The following SNTG1 variants were observed in gnomAD, a reference collection of about 807,000 sequenced individuals.
SNTG1 encodes syntrophin gamma 1.
Under a neutral mutation model 74.7 loss-of-function variants are expected in SNTG1, and 39 were observed. That is an observed-to-expected ratio of 0.52 (90% CI 0.40 to 0.68). The LOEUF (loss-of-function observed/expected upper bound fraction) is 0.68, where lower values mean the gene tolerates loss of function less well. Among genes scored for constraint, SNTG1 ranks in the 30% least tolerant of loss-of-function variants. The pLI is 0.00. For synonymous variants in SNTG1, 254 were observed against 217.1 expected, an observed-to-expected ratio of 1.17 and a Z score of -1.49; for missense variants, 685 against 609.5, an observed-to-expected ratio of 1.12 and a Z score of -1.30.
intron 2 of SNTG1, among the ~76,000 whole-genome samples, chr8:50,372,219 T>G (rs1345066362): frequency 3.7e-5 from 5 of 135,714 alleles, no homozygotes; most frequent in Middle Eastern, 3.4e-3. Context: ...TCTTTCTCTG[T>G]GTGTGTGTGT....
intron 2 of SNTG1, among the ~76,000 whole-genome samples, chr8:50,346,257 T>C (rs377460805): frequency 4.6e-5 from 7 of 152,214 alleles, no homozygotes; most frequent in East Asian, 1.9e-4. Context: ...TCTTTGTAAT[T>C]GTCATGATAT....
At position 50,658,581 on chromosome 8, in the gene SNTG1, A is replaced by G. The variant is rs1406202997; in HGVS notation, c.967-11A>G. On this transcript the variant is annotated splice_polypyrimidine_tract_variant and intron_variant, in intron 14 of 18. Coordinates refer to ENST00000642720, the MANE Select transcript of SNTG1 (RefSeq NM_018967.5). ...AAAACAAATTAAACATTATTTTCTT[A>G]TCTTTTAAAGGTGACCACCTGGGAC... 10 of 1,572,208 alleles carry G rather than the reference A, an allele frequency of 6.4e-6. No individual in the cohort carries two copies. Among genetic ancestry groups the G allele is most frequent in the Middle Eastern group, 1.7e-4 (1 of 5,964 alleles).
intron 17 of SNTG1, among the ~76,000 whole-genome samples, chr8:50,712,079 A>G (rs1464845687): frequency 6.6e-6 from 1 of 152,218 alleles, no homozygotes; most frequent in Non-Finnish European, 1.5e-5. Flanking sequence ...GGCATCTACA[A>G]AACACTCATT....
chr8:50,039,310 C>T (rs911584146), intron 1 of SNTG1, among the ~76,000 whole-genome samples: 1 of 151,800 alleles, frequency 6.6e-6, no homozygotes, highest in African/African-American at 2.4e-5. Flanking sequence ...AAAAAAGTAG[C>T]GGGGCATGGT....
chr8:50,190,389 C>A (rs1406423003), intron 2 of SNTG1, among the ~76,000 whole-genome samples: 1 of 152,036 alleles, frequency 6.6e-6, no homozygotes, highest in Non-Finnish European at 1.5e-5. Context: ...GATTATATTT[C>A]AGATTTATTT....
rs2083548869 is a variant in SNTG1 at position 50,190,905 on chromosome 8, A to G, written c.-28+18270A>G. Reference sequence around the variant, plus strand: ...AGAAACAAGGTGGAATGACACGACAATAAGAATAAATTGGGCTTAGATAGA... The same window carrying G: ...AGAAACAAGGTGGAATGACACGACAGTAAGAATAAATTGGGCTTAGATAGA... On this transcript the variant is annotated intron_variant, in intron 2 of 18. Coordinates refer to ENST00000642720, the MANE Select transcript of SNTG1 (RefSeq NM_018967.5). Among the ~76,000 whole-genome samples, 3 of 152,162 alleles carry G rather than the reference A, an allele frequency of 2.0e-5. No homozygotes were observed. In the South Asian group the frequency reaches 6.2e-4, roughly 32 times the overall value.
chr8:50,231,201 A>G (rs2085604252), intron 2 of SNTG1, among the ~76,000 whole-genome samples: 2 of 151,324 alleles, frequency 1.3e-5, no homozygotes, highest in African/African-American at 4.8e-5. Context: ...TATTTGTATT[A>G]GAATGGTTGT....
At chr8:50,283,105 C>T (rs1337528218) in intron 2 of SNTG1, among the ~76,000 whole-genome samples, 1 of 151,892 alleles carries the variant, frequency 6.6e-6, no homozygotes, top group Non-Finnish European at 1.5e-5. Context: ...TTCCTTGAAG[C>T]CAAAAAATAA....
chr8:49,948,209 G>A (rs1033624799), intron 1 of SNTG1, among the ~76,000 whole-genome samples: 8 of 152,044 alleles, frequency 5.3e-5, no homozygotes, highest in African/African-American at 1.9e-4. Flanking sequence ...TAAAACCTCT[G>A]TAAATTAAAC....
chr8:50,078,302 G>A (rs1331222983), intron 1 of SNTG1, among the ~76,000 whole-genome samples: 3 of 151,924 alleles, frequency 2.0e-5, no homozygotes, highest in East Asian at 1.9e-4. Flanking sequence ...CAATTTCTAT[G>A]ATAAATGACA....
chr8:50,145,975 A>G (rs868018094), intron 1 of SNTG1, among the ~76,000 whole-genome samples: 1 of 149,572 alleles, frequency 6.7e-6, no homozygotes, highest in Non-Finnish European at 1.5e-5. Context: ...ATAATAATAA[A>G]AAAAAAAAGA....
chr8:50,163,664 A>G (rs1344082030), intron 1 of SNTG1: 1 of 151,802 alleles, frequency 6.6e-6, no homozygotes, highest in Non-Finnish European at 1.5e-5. Flanking sequence ...TGTGTATTTT[A>G]ATACACAACA....
intron 2 of SNTG1, among the ~76,000 whole-genome samples, chr8:50,367,810 A>G (rs1354623238): frequency 2.0e-5 from 3 of 152,010 alleles, no homozygotes; most frequent in Non-Finnish European, 4.4e-5. Context: ...CATGCACCCT[A>G]CTGGTTTTGC....
chr8:50,306,822 C>T (rs945690652), intron 2 of SNTG1, among the ~76,000 whole-genome samples: 2 of 151,808 alleles, frequency 1.3e-5, no homozygotes, highest in Admixed American at 1.3e-4. Flanking sequence ...ATATTATCTC[C>T]CATTCTGTGG....
intron 1 of SNTG1, among the ~76,000 whole-genome samples, chr8:49,974,138 A>T (rs540953400): frequency 4.1e-4 from 63 of 152,268 alleles, no homozygotes; most frequent in African/African-American, 1.5e-3. Flanking sequence ...CAGCTTCCTT[A>T]TTTTCCTATC....
intron 4 of SNTG1, among the ~76,000 whole-genome samples, chr8:50,427,538 G>A (rs1235638696): frequency 6.6e-6 from 1 of 152,012 alleles, no homozygotes; most frequent in African/African-American, 2.4e-5. Flanking sequence ...AAGCTGTCCT[G>A]CCTCAGCCTC....
intron 2 of SNTG1, among the ~76,000 whole-genome samples, chr8:50,178,048 C>G (rs1354164548): frequency 6.6e-6 from 1 of 152,126 alleles, no homozygotes; most frequent in Non-Finnish European, 1.5e-5. Flanking sequence ...GGTTTGATAG[C>G]TGATTTTTTT....
chr8:49,969,492 G>A (rs572509644), intron 1 of SNTG1, among the ~76,000 whole-genome samples: 20 of 134,204 alleles, frequency 1.5e-4, no homozygotes, highest in African/African-American at 5.7e-4. Context: ...TGCCTCCCAT[G>A]TTCAAGCAAT....
chr8:50,648,419 G>A (rs2095124095), intron 13 of SNTG1, among the ~76,000 whole-genome samples: 1 of 151,874 alleles, frequency 6.6e-6, no homozygotes, highest in Non-Finnish European at 1.5e-5. Flanking sequence ...CAAAACAGAG[G>A]AGTCATTAAT....
Sources: allele counts gnomAD v4.1 joint callset (sites outside exome capture counted in the v4.1 genomes callset), GRCh38; gene constraint gnomAD v4.1.1; transcripts MANE v1.5; gene names NCBI Gene and HGNC (gene_info 2026-07-23, HGNC 2026-07-21).